Variants in INPP4B observed in about 807,000 individuals in gnomAD.
INPP4B encodes inositol polyphosphate-4-phosphatase type II B, also known as inositol polyphosphate 4-phosphatase type II.
Under a neutral mutation model 122.5 loss-of-function variants are expected in INPP4B, and 55 were observed. The ratio of observed to expected loss-of-function variants is 0.45; its 90% CI spans 0.36 to 0.56. The LOEUF is 0.56. Ranked by LOEUF, INPP4B falls within the 20% of genes least tolerant of loss-of-function variation. The pLI, the probability that INPP4B is intolerant of heterozygous loss-of-function variation, is 0.00. For synonymous variants in INPP4B, 403 were observed against 388.7 expected, an observed-to-expected ratio of 1.04 and a Z score of -0.43; for missense variants, 1,000 against 1,097.7, an observed-to-expected ratio of 0.91 and a Z score of 1.26.
At chr4:142,037,240 C>G (rs886077882) in intron 25 of INPP4B, among the ~76,000 whole-genome samples, 6 of 152,174 alleles carry the variant, frequency 3.9e-5, no homozygotes, top group Admixed American at 3.9e-4. Context: ...ACATGTCTCA[C>G]TTTTAAACAC....
At chr4:142,603,889 CA>C (rs1439656496) in intron 2 of INPP4B, among the ~76,000 whole-genome samples, 2 of 127,042 alleles carry the variant, frequency 1.6e-5, no homozygotes, top group Non-Finnish European at 3.4e-5. Context: ...ATCCTAATAC[CA>C]AAACCAGACA....
chr4:142,560,362 C>T (rs949050391), intron 2 of INPP4B: 2 of 152,166 alleles, frequency 1.3e-5, no homozygotes, highest in Admixed American at 1.3e-4. Flanking sequence ...CTCACAAATA[C>T]TACTACTACT....
At chr4:142,632,131 A>G (rs1430206138) in intron 2 of INPP4B, among the ~76,000 whole-genome samples, 2 of 152,212 alleles carry the variant, frequency 1.3e-5, no homozygotes, top group African/African-American at 2.4e-5. Flanking sequence ...CACTAAGGAC[A>G]GTAAATTAAG....
intron 1 of INPP4B, among the ~76,000 whole-genome samples, chr4:142,781,283 T>C (rs1393267990): frequency 6.6e-6 from 1 of 151,896 alleles, no homozygotes; most frequent in Admixed American, 6.6e-5. Context: ...TGCACTCTCC[T>C]GTCCACATGT....
chr4:142,254,080 C>A (rs1249601057), intron 11 of INPP4B, among the ~76,000 whole-genome samples: 12 of 151,936 alleles, frequency 7.9e-5, no homozygotes, highest in Non-Finnish European at 1.6e-4. Context: ...GGGAGGCACC[C>A]CCCAGCAGGG....
chr4:142,181,242 G>C (rs568169048), intron 15 of INPP4B, among the ~76,000 whole-genome samples: 1 of 152,096 alleles, frequency 6.6e-6, no homozygotes, highest in African/African-American at 2.4e-5. Context: ...TTCCTGAGAC[G>C]AAGGGAAAAG....
At chr4:142,313,629 G>T (rs926631662) in intron 8 of INPP4B, among the ~76,000 whole-genome samples, 2 of 152,160 alleles carry the variant, frequency 1.3e-5, no homozygotes, top group African/African-American at 4.8e-5. Flanking sequence ...GGATGCACTG[G>T]AGGAAGTAAA....
At chr4:142,531,978 T>C (rs926882009) in intron 2 of INPP4B, among the ~76,000 whole-genome samples, 3 of 152,220 alleles carry the variant, frequency 2.0e-5, no homozygotes, top group African/African-American at 7.2e-5. Flanking sequence ...TTAAGACATA[T>C]TGACTTGTCC....
chr4:142,720,294 A>AT (rs1055371873), intron 2 of INPP4B, among the ~76,000 whole-genome samples: 3 of 152,150 alleles, frequency 2.0e-5, no homozygotes, highest in Non-Finnish European at 2.9e-5. Flanking sequence ...ATGAAGTATC[A>AT]TTTTTTATTG....
intron 7 of INPP4B, among the ~76,000 whole-genome samples, chr4:142,386,550 C>T (rs1456865199): frequency 6.6e-6 from 1 of 152,126 alleles, no homozygotes; most frequent in Non-Finnish European, 1.5e-5. Context: ...GAGTCTTGGC[C>T]AATCCCAGCA....
intron 1 of INPP4B, among the ~76,000 whole-genome samples, chr4:142,792,693 A>C (rs982873901): frequency 1.3e-4 from 20 of 152,152 alleles, no homozygotes; most frequent in African/African-American, 4.6e-4. Flanking sequence ...TCTCAGATGG[A>C]AAAATCACTA....
chr4:142,843,319 T>G (rs1783789041), intron 1 of INPP4B, among the ~76,000 whole-genome samples: 1 of 151,868 alleles, frequency 6.6e-6, no homozygotes. Context: ...GTATATATGA[T>G]TAGAGTATGC....
intron 5 of INPP4B, 53 bp from the exon 6 acceptor site, chr4:142,405,377 G>A (rs1220632405): frequency 9.2e-7 from 1 of 1,087,338 alleles, no homozygotes; most frequent in Non-Finnish European, 1.4e-6. Context: ...ATATCTCAGG[G>A]AAAACTTCTG....
At chr4:142,456,555 A>G (rs1815461713) in intron 3 of INPP4B, among the ~76,000 whole-genome samples, 1 of 152,040 alleles carries the variant, frequency 6.6e-6, no homozygotes, top group African/African-American at 2.4e-5. Flanking sequence ...GAAGTCAGGT[A>G]ATGTGATTCC....
At chr4:142,489,223 T>C (rs1037420533) in intron 2 of INPP4B, among the ~76,000 whole-genome samples, 1 of 152,160 alleles carries the variant, frequency 6.6e-6, no homozygotes, top group Admixed American at 6.6e-5. Context: ...AGAAAACTGC[T>C]CTGCAAAATG....
chr4:142,405,100 C>T, intron 6 of INPP4B, 106 bp downstream of exon 6: 1 of 547,000 alleles, frequency 1.8e-6, no homozygotes, highest in Non-Finnish European at 3.2e-6. Flanking sequence ...TCATTCAAAT[C>T]CAGAGATGGG....
intron 23 of INPP4B, among the ~76,000 whole-genome samples, chr4:142,087,193 G>T (rs1319040722): frequency 6.6e-6 from 1 of 152,144 alleles, no homozygotes; most frequent in African/African-American, 2.4e-5. Context: ...GACACTGCCA[G>T]TGTCTCCTGA....
At chr4:142,668,552 T>C (rs1488797518) in intron 2 of INPP4B, among the ~76,000 whole-genome samples, 1 of 152,116 alleles carries the variant, frequency 6.6e-6, no homozygotes, top group Non-Finnish European at 1.5e-5. Context: ...AGGAATAACT[T>C]AAATTGTCCC....
intron 2 of INPP4B, among the ~76,000 whole-genome samples, chr4:142,613,924 A>G (rs1369296420): frequency 6.6e-6 from 1 of 152,184 alleles, no homozygotes; most frequent in African/African-American, 2.4e-5. Context: ...TTAAGAGCCA[A>G]ACTTCCACTG....
Sources: allele counts gnomAD v4.1 joint callset (sites outside exome capture counted in the v4.1 genomes callset), GRCh38; gene constraint gnomAD v4.1.1; transcripts MANE v1.5; gene names NCBI Gene and HGNC (gene_info 2026-07-23, HGNC 2026-07-21).